Variants in RNF144A observed in about 807,000 individuals in gnomAD.
RNF144A encodes the protein E3 ubiquitin-protein ligase RNF144A.
RNF144A carries 11 observed loss-of-function variants against 38.7 expected under a neutral mutation model. The observed-to-expected ratio is 0.28, with a 90% CI of 0.18 to 0.47. The LOEUF (loss-of-function observed/expected upper bound fraction) is 0.47. Among genes scored for constraint, RNF144A ranks in the 20% least tolerant of loss-of-function variants. RNF144A has a pLI of 0.99. For missense variants in RNF144A, 316 were observed against 377.2 expected (o/e 0.84, Z 1.34); for synonymous variants, 149 against 143.9 (o/e 1.04, Z -0.25).
chr2:6,935,307 C>T (rs1417005320), intron 1 of RNF144A, among the ~76,000 whole-genome samples: 5 of 152,226 alleles, frequency 3.3e-5, no homozygotes, highest in African/African-American at 4.8e-5. Flanking sequence ...TTTGGTCTTA[C>T]ATTAGATACC....
At chr2:6,950,327 CAG>C (rs761951208) in intron 2 of RNF144A, among the ~76,000 whole-genome samples, 37 of 152,200 alleles carry the variant, frequency 2.4e-4, no homozygotes, top group Non-Finnish European at 4.4e-4. Context: ...CTTGCTCACT[CAG>C]TGTTCTCTAA....
At chr2:6,925,532 A>G (rs1194861756) in intron 1 of RNF144A, among the ~76,000 whole-genome samples, 1 of 152,068 alleles carries the variant, frequency 6.6e-6, no homozygotes, top group African/African-American at 2.4e-5. Context: ...TATGAGAGTA[A>G]GAGTTCCCAT....
intron 7 of RNF144A, 137 bp from the exon 8 acceptor site, chr2:7,029,989 G>A (rs967940672): frequency 9.8e-5 from 65 of 661,634 alleles, no homozygotes; most frequent in African/African-American, 3.6e-4. Flanking sequence ...TCCCGGATGC[G>A]TGCCCTTCCC....
intron 1 of RNF144A, among the ~76,000 whole-genome samples, chr2:6,929,934 A>G (rs1003648177): frequency 6.6e-6 from 1 of 152,248 alleles, no homozygotes; most frequent in African/African-American, 2.4e-5. Flanking sequence ...CAGGAAGGAA[A>G]TAAATATAAA....
chr2:7,043,083 C>T lies in RNF144A; in HGVS notation c.*3323C>T, dbSNP rs144935141. 1.5e-6 allele frequency: 1 copy of T among 661,884 alleles called. No homozygotes were observed. Among genetic ancestry groups the T allele is most frequent in the Non-Finnish European group, 1.9e-6 (1 of 534,812 alleles). The allele number at this position is 661,884 out of a possible 1,614,324, so 41.0% of individuals were successfully genotyped here. Reference sequence around the variant, plus strand: ...GGGTTTCACCATGTTGGCCAGGCTACTCTCAAACTCCTGACCTCAGGTGAT... The same window carrying T: ...GGGTTTCACCATGTTGGCCAGGCTATTCTCAAACTCCTGACCTCAGGTGAT... On this transcript the variant is annotated 3_prime_UTR_variant, in exon 9 of 9. Coordinates refer to ENST00000320892, the MANE Select transcript of RNF144A (RefSeq NM_014746.6).
intron 2 of RNF144A, among the ~76,000 whole-genome samples, chr2:6,994,106 G>A (rs1669566210): frequency 6.6e-6 from 1 of 152,170 alleles, no homozygotes; most frequent in Non-Finnish European, 1.5e-5. Context: ...AGGTCTGCTT[G>A]ACTGCAAAGC....
At chr2:6,940,316 C>G (rs1307161677) in intron 1 of RNF144A, among the ~76,000 whole-genome samples, 1 of 152,034 alleles carries the variant, frequency 6.6e-6, no homozygotes, top group Admixed American at 6.6e-5. Flanking sequence ...TCTAAGTATT[C>G]TTTCTGGTGC....
chr2:6,981,686 C>T (rs1186211759), intron 2 of RNF144A, among the ~76,000 whole-genome samples: 3 of 152,200 alleles, frequency 2.0e-5, no homozygotes, highest in Non-Finnish European at 4.4e-5. Context: ...TCCAAACTTT[C>T]CCACATCTTC....
At position 6,962,797 on chromosome 2, in the gene RNF144A, G is replaced by A. The variant is rs564555666; in HGVS notation, c.-12+21650G>A. Among the ~76,000 whole-genome samples the A allele has an allele frequency of 6.6e-6, 1 of 152,184 alleles. No individual in the cohort carries two copies. The highest frequency in any genetic ancestry group is 2.4e-5 in the African/African-American group (1 of 41,434). ...ATACCTTTTCCATTACTGAGCACAG[G>A]CATTCATGCACAGAAGGTCCTCAGT... On this transcript the variant is annotated intron_variant, in intron 2 of 8. Coordinates refer to ENST00000320892, the MANE Select transcript of RNF144A (RefSeq NM_014746.6). The surrounding 1 kb of genome is among the most constrained non-coding windows in gnomAD (Gnocchi z 4.1).
At chr2:7,031,562 C>T (rs1672303301) in intron 8 of RNF144A, among the ~76,000 whole-genome samples, 1 of 152,196 alleles carries the variant, frequency 6.6e-6, no homozygotes, top group African/African-American at 2.4e-5. Context: ...TTGGCTGCTG[C>T]TCCCTGCCTG....
chr2:7,027,254 A>G (rs762725071), intron 7 of RNF144A, among the ~76,000 whole-genome samples: 1 of 152,168 alleles, frequency 6.6e-6, no homozygotes, highest in African/African-American at 2.4e-5. Context: ...TCTCCCCTTG[A>G]ATCCTCACTG....
At chr2:6,940,351 T>A (rs1665885502) in intron 1 of RNF144A, among the ~76,000 whole-genome samples, 1 of 152,220 alleles carries the variant, frequency 6.6e-6, no homozygotes, top group African/African-American at 2.4e-5. Flanking sequence ...TTTCTTATAA[T>A]AACATATAGT....
chr2:7,011,052 C>T (rs1258260153), intron 3 of RNF144A, among the ~76,000 whole-genome samples: 2 of 152,084 alleles, frequency 1.3e-5, no homozygotes, highest in African/African-American at 4.8e-5. Flanking sequence ...CTTTAAAGTA[C>T]ATACAATTCC....
chr2:6,987,280 C>T (rs980434543), intron 2 of RNF144A, among the ~76,000 whole-genome samples: 6 of 152,176 alleles, frequency 3.9e-5, no homozygotes, highest in Admixed American at 3.3e-4. Flanking sequence ...TGCAGATCTG[C>T]GGGGGCCAGG....
chr2:7,054,876 A>G (rs989240582), intron 6 of RNF144A, among the ~76,000 whole-genome samples: 15 of 152,074 alleles, frequency 9.9e-5, no homozygotes, highest in Admixed American at 2.6e-4. Context: ...TTCTGTACCA[A>G]TTTTCCTAAG....
chr2:6,997,632 A>C (rs1366499195), intron 3 of RNF144A, among the ~76,000 whole-genome samples: 1 of 152,260 alleles, frequency 6.6e-6, no homozygotes, highest in African/African-American at 2.4e-5. Flanking sequence ...TCAAACTCAA[A>C]TCCCAAATTT....
rs1161449557 is a variant in RNF144A at position 6,943,926 on chromosome 2, C to T, written c.-12+2779C>T. Reference sequence around the variant, plus strand: ...ATTCACAGCCCACTCGAAGCTCTGGCTCCAGACTGAAAGAGCCACTCTGGG... The same window carrying T: ...ATTCACAGCCCACTCGAAGCTCTGGTTCCAGACTGAAAGAGCCACTCTGGG... On this transcript the variant is annotated intron_variant, in intron 2 of 8. Transcript: ENST00000320892. The surrounding 1 kb of genome is among the most constrained non-coding windows in gnomAD (Gnocchi z 4.3). 2.6e-5 allele frequency among the ~76,000 whole-genome samples: 4 copies of T among 152,188 alleles called. No individual in the cohort carries two copies. The highest frequency in any genetic ancestry group is 5.9e-5 in the Non-Finnish European group (4 of 68,036).
At chr2:7,051,366 G>A (rs972711520) in intron 6 of RNF144A, among the ~76,000 whole-genome samples, 1 of 152,120 alleles carries the variant, frequency 6.6e-6, no homozygotes, top group Non-Finnish European at 1.5e-5. Context: ...AGGGACAGAG[G>A]GGATGCACTT....
intron 2 of RNF144A, among the ~76,000 whole-genome samples, chr2:6,972,580 C>G (rs556057772): frequency 6.6e-6 from 1 of 152,294 alleles, no homozygotes; most frequent in South Asian, 2.1e-4. Flanking sequence ...TTGGTTCCCT[C>G]TCTTCCAGGC....
Sources: gnomAD v4.1 joint callset for allele counts (sites outside exome capture counted in the v4.1 genomes callset) on GRCh38, gnomAD v4.1.1 for gene constraint, Gnocchi (gnomAD v3.1) non-coding constraint, MANE v1.5 for transcripts, NCBI Gene and HGNC (gene_info 2026-07-23, HGNC 2026-07-21) for gene names.